GNL2: variants seen among roughly 807,000 people sequenced by gnomAD.
The protein encoded by GNL2 is G protein nucleolar 2, also known as nucleolar GTP-binding protein 2.
A neutral mutation model predicts 92.3 loss-of-function variants in GNL2; 51 were observed. That is an observed-to-expected ratio of 0.55 (90% CI 0.44 to 0.70). GNL2 has a LOEUF of 0.70. Ranked by LOEUF, GNL2 falls within the 30% of genes least tolerant of loss-of-function variation. The pLI is 0.00. For synonymous variants in GNL2, 283 were observed against 300.6 expected (o/e 0.94, Z 0.61); for missense variants, 844 against 895.6 (o/e 0.94, Z 0.74).
intron 8 of GNL2, among the ~76,000 whole-genome samples, chr1:37,580,746 T>G (rs1643754283): frequency 6.6e-6 from 1 of 152,208 alleles, no homozygotes; most frequent in South Asian, 2.1e-4. Context: ...TCCCACTGTA[T>G]CAGAGAATTT....
At chr1:37,576,294 CTAT>C (rs377041138) in intron 9 of GNL2, 131 bp downstream of exon 9, 2 of 778,542 alleles carry the variant, frequency 2.6e-6, no homozygotes, top group African/African-American at 1.7e-5. Context: ...ACGTTCCAAA[CTAT>C]TATATGGTGA....
chr1:37,567,654 T>A lies in GNL2; in HGVS notation c.2043+19A>T, dbSNP rs755719470. The A allele has an allele frequency of 8.4e-6, 13 of 1,541,608 alleles. No individual in the cohort carries two copies. The African/African-American group carries it at 1.8e-4, about 21-fold the overall frequency. ...CTAGTTACTCTACTTGGGCCATACTTAAAACCTATGACACTTACTTCTTTT... is the reference window on the plus strand; with the variant it reads ...CTAGTTACTCTACTTGGGCCATACTAAAAACCTATGACACTTACTTCTTTT... On this transcript the variant is annotated intron_variant, in intron 15 of 15. Transcript: ENST00000373062.
Position 37,592,781 on chromosome 1 carries a change from G to A in GNL2, c.175C>T (p.Pro59Ser). ...GCCACCGTTGATTGATATTGCAGGG[G>A]TTTAATTATTTTACCACGACTGTTC... ...RRNSRGKIIK[P>S]LQYQSTVASG... The change falls in exon 3 of 16, where the codon CCC becomes TCC. Residue 59 changes from proline (P) to serine (S), a missense_variant. Transcript: ENST00000373062. The A allele has an allele frequency of 6.2e-7, 1 of 1,605,828 alleles. No homozygotes were observed. The highest frequency in any genetic ancestry group is 8.5e-7 in the Non-Finnish European group (1 of 1,172,442).
At chr1:37,571,505 A>C (rs1457010602) in intron 12 of GNL2, among the ~76,000 whole-genome samples, 1 of 152,184 alleles carries the variant, frequency 6.6e-6, no homozygotes, top group Non-Finnish European at 1.5e-5. Flanking sequence ...ATGAGAACAC[A>C]GCTTCTTCAT....
intron 12 of GNL2, among the ~76,000 whole-genome samples, chr1:37,571,374 C>A (rs187283966): frequency 1.5e-4 from 23 of 152,278 alleles, no homozygotes; most frequent in African/African-American, 5.1e-4. Flanking sequence ...CCCATTGTTC[C>A]TATAGGCAAG....
At chr1:37,568,064 A>C (rs1643535488) in intron 14 of GNL2, 3 of 592,968 alleles carry the variant, frequency 5.1e-6, no homozygotes, top group Non-Finnish European at 9.0e-6. Context: ...CTTTCTAGGA[A>C]GTTTCCTGAA....
Position 37,568,836 on chromosome 1 carries a change from A to G in GNL2, c.1868+15T>C, listed in dbSNP as rs767299098. ...GAATGAAAATCTGCAATTTGTGAGA[A>G]GATGAAAATATTACCTGACTGCTGA... is the stretch of plus-strand genomic sequence containing the variant. On this transcript the variant is annotated intron_variant, in intron 13 of 15. Coordinates refer to ENST00000373062, the MANE Select transcript of GNL2 (RefSeq NM_013285.3). 6 of 1,588,596 alleles carry G rather than the reference A, an allele frequency of 3.8e-6. No homozygotes were observed. The highest frequency in any genetic ancestry group is 5.2e-6 in the Non-Finnish European group (6 of 1,162,584).
At chr1:37,568,781 T>C (rs1396006340) in intron 13 of GNL2, 70 bp downstream of exon 13, 2 of 1,099,386 alleles carry the variant, frequency 1.8e-6, no homozygotes, top group East Asian at 2.3e-5. Flanking sequence ...AAAATATGGC[T>C]CTGGTACTCA....
intron 2 of GNL2, among the ~76,000 whole-genome samples, chr1:37,593,287 CAAATT>C (rs1643899633): frequency 6.6e-6 from 1 of 152,180 alleles, no homozygotes; most frequent in Non-Finnish European, 1.5e-5. Context: ...AATTACCAAA[CAAATT>C]AAGACCAGTT....
At chr1:37,588,646 TA>T (rs1228497836) in intron 4 of GNL2, among the ~76,000 whole-genome samples, 1 of 151,870 alleles carries the variant, frequency 6.6e-6, no homozygotes, top group African/African-American at 2.4e-5. Context: ...TTAGTAAGTA[TA>T]ACACACATTA....
chr1:37,594,476 AG>A (rs1323104159), intron 1 of GNL2, among the ~76,000 whole-genome samples: 1 of 152,228 alleles, frequency 6.6e-6, no homozygotes, highest in Non-Finnish European at 1.5e-5. Context: ...ACAAACGAAT[AG>A]GGTAATACTA....
intron 14 of GNL2, 145 bp downstream of exon 14, chr1:37,568,130 A>G (rs1385486253): frequency 3.2e-6 from 2 of 628,268 alleles, no homozygotes; most frequent in African/African-American, 1.8e-5. Context: ...TTCAATTTGC[A>G]TAACACTATG....
In GNL2 at chr1:37,575,609, C is replaced by T. The variant is rs1643665713; in HGVS notation, c.1129G>A (p.Val377Met). 1 of 1,584,764 alleles carries T rather than the reference C, an allele frequency of 6.3e-7. No homozygotes were observed. Among genetic ancestry groups the T allele is most frequent in the Non-Finnish European group, 8.6e-7 (1 of 1,168,440 alleles). Reference protein sequence around the residue: ...YPSEDSETDIVLKGVVQVEKI... With the variant: ...YPSEDSETDIMLKGVVQVEKI... ...CAAATACTCACAACTCCTTTTAGCA[C>T]AATGTCTGTCTCGGAGTCCTCAGAG... The change falls in exon 10 of 16, where the codon GTG becomes ATG. Residue 377 changes from valine to methionine, a missense_variant. By Grantham distance (21) the Val-to-Met change is conservative. Transcript: ENST00000373062. This position sits in a 1 kb window ranked among gnomAD's most constrained non-coding sequence, Gnocchi z 4.1.
At chr1:37,595,625 C>T (rs1030907185) in intron 1 of GNL2, 134 bp downstream of exon 1, 4 of 754,280 alleles carry the variant, frequency 5.3e-6, no homozygotes, top group Admixed American at 2.3e-5. Context: ...CCCTTTTCAT[C>T]CCCAACAGCC....
In GNL2 at chr1:37,576,514, A is replaced by T; in HGVS notation, c.952T>A (p.Tyr318Asn). ...ACAGAGCTCTTGCCAACATTTGGAT[A>T]GCCAATGAACCCAACACTGATCTGT... ...KKQISVGFIG[Y>N]PNVGKSSVIN... The change falls in exon 9 of 16, where the codon TAT (tyrosine) becomes AAT (asparagine). Residue 318 changes from tyrosine to asparagine, a missense_variant. By Grantham distance (143) the Tyr-to-Asn change is moderately radical (BLOSUM62 -2). Transcript: ENST00000373062. 1.2e-6 allele frequency: 2 copies of T among 1,614,102 alleles called. No individual in the cohort carries two copies. Among genetic ancestry groups the T allele is most frequent in the Non-Finnish European group, 1.7e-6 (2 of 1,179,896 alleles).
At chr1:37,570,500 A>T (rs1037714028) in intron 12 of GNL2, 1 of 151,690 alleles carries the variant, frequency 6.6e-6, no homozygotes, top group Non-Finnish European at 1.5e-5. Context: ...ACTGCACTCC[A>T]GCCTGGGCAA....
chr1:37,568,523 T>C, intron 13 of GNL2, 166 bp from the exon 14 acceptor site: 1 of 608,462 alleles, frequency 1.6e-6, no homozygotes, highest in South Asian at 2.1e-5. Flanking sequence ...TCCCTGGGTG[T>C]TTCTAAAGCT....
intron 4 of GNL2, among the ~76,000 whole-genome samples, chr1:37,588,079 T>A (rs949291696): frequency 6.6e-6 from 1 of 152,180 alleles, no homozygotes; most frequent in African/African-American, 2.4e-5. Flanking sequence ...AACGTTTTTA[T>A]TAAATGCACA....
chr1:37,579,789 G>A lies in GNL2; in HGVS notation c.909+2434C>T, dbSNP rs567573880. 6.6e-5 allele frequency among the ~76,000 whole-genome samples: 10 copies of A among 150,620 alleles called. No homozygotes were observed. In the East Asian group the frequency reaches 1.8e-3, roughly 27 times the overall value. On this transcript the variant is annotated intron_variant, in intron 8 of 15. Coordinates refer to ENST00000373062, the MANE Select transcript of GNL2 (RefSeq NM_013285.3). ...CGTGTGCCTGCAGTCCCAGCTACTC[G>A]GGAGGCTGAGGCAGGAGAATCGCTT...
Sources: gnomAD v4.1 joint callset for allele counts (sites outside exome capture counted in the v4.1 genomes callset) on GRCh38, gnomAD v4.1.1 for gene constraint, Gnocchi (gnomAD v3.1) non-coding constraint, MANE v1.5 for transcripts, NCBI Gene and HGNC (gene_info 2026-07-23, HGNC 2026-07-21) for gene names.